MTA3: variants seen among roughly 807,000 people sequenced by gnomAD.
MTA3 encodes the protein metastasis-associated protein MTA3.
MTA3 carries 34 observed loss-of-function variants against 83.5 expected under a neutral mutation model. The ratio of observed to expected loss-of-function variants is 0.41; its 90% CI spans 0.31 to 0.54. The LOEUF is 0.54. MTA3 is among the 20% of genes least tolerant of loss of function. MTA3 has a pLI of 0.33. For synonymous variants in MTA3, 303 were observed against 252.7 expected (o/e 1.20, Z -1.89); for missense variants, 761 against 726.4 (o/e 1.05, Z -0.55).
At chr2:42,690,970 A>G (rs1454561460) in intron 9 of MTA3, among the ~76,000 whole-genome samples, 1 of 151,748 alleles carries the variant, frequency 6.6e-6, no homozygotes, top group African/African-American at 2.4e-5. Context: ...TCCACCTCCC[A>G]GGTTCAAGTG....
intron 6 of MTA3, 114 bp from the exon 7 acceptor site, chr2:42,656,085 TG>T: frequency 2.8e-6 from 2 of 714,176 alleles, no homozygotes; most frequent in South Asian, 1.9e-5. Flanking sequence ...GCCAAAACTG[TG>T]GGCACTTACC....
At chr2:42,605,844 ACCCCCC>A (rs1159525599) in intron 3 of MTA3, among the ~76,000 whole-genome samples, 1 of 119,054 alleles carries the variant, frequency 8.4e-6, no homozygotes, top group Non-Finnish European at 1.8e-5. Context: ...TGGAGGGCTG[ACCCCCC>A]CACCTCCCTC....
At chr2:42,663,827 C>CCGTCT (rs1689963486) in intron 8 of MTA3, among the ~76,000 whole-genome samples, 2 of 152,284 alleles carry the variant, frequency 1.3e-5, no homozygotes, top group Admixed American at 6.5e-5. Flanking sequence ...TACCTTCACA[C>CCGTCT]CCTTCAGTGT....
At chr2:42,749,557 T>A (rs923617078) in intron 16 of MTA3, among the ~76,000 whole-genome samples, 3 of 152,072 alleles carry the variant, frequency 2.0e-5, no homozygotes, top group Admixed American at 6.6e-5. Flanking sequence ...AACCTCCGCC[T>A]CCTGGGTTCA....
chr2:42,536,060 C>T (rs1178329068), intron 2 of MTA3, among the ~76,000 whole-genome samples: 1 of 151,294 alleles, frequency 6.6e-6, no homozygotes, highest in Non-Finnish European at 1.5e-5. Context: ...TTCGAGGCTG[C>T]AGTAAGCTAT....
Position 42,710,803 on chromosome 2 carries a change from T to A in MTA3, c.1525+1707T>A, listed in dbSNP as rs538209454. 2.6e-5 allele frequency among the ~76,000 whole-genome samples: 4 copies of A among 152,132 alleles called. No homozygotes were observed. In the East Asian group the frequency reaches 5.8e-4, roughly 22 times the overall value. Reference sequence around the variant, plus strand: ...TTTTAAATAAAATGGTGAAGACCAGTCACGGTGGCTTACGCCTGTAATCCT... The same window carrying A: ...TTTTAAATAAAATGGTGAAGACCAGACACGGTGGCTTACGCCTGTAATCCT... On this transcript the variant is annotated intron_variant, in intron 14 of 16. Transcript: ENST00000405094.
intron 8 of MTA3, among the ~76,000 whole-genome samples, chr2:42,681,601 C>T (rs901391374): frequency 6.6e-6 from 1 of 152,188 alleles, no homozygotes; most frequent in African/African-American, 2.4e-5. Context: ...CAGCCTCAAC[C>T]TCCTGGGCTC....
At chr2:42,524,480 T>TG (rs1553337476) in intron 2 of MTA3, among the ~76,000 whole-genome samples, 36 of 115,418 alleles carry the variant, frequency 3.1e-4, no homozygotes, top group South Asian at 2.2e-3. Flanking sequence ...GTGTTTTTTT[T>TG]TTTTTTTTTT....
chr2:42,681,648 G>A (rs1691925605), intron 8 of MTA3, among the ~76,000 whole-genome samples: 1 of 152,124 alleles, frequency 6.6e-6, no homozygotes, highest in Admixed American at 6.6e-5. Flanking sequence ...AAGTAGTTGG[G>A]ACTGTAGGCA....
chr2:42,639,062 T>C (rs1687457808), intron 4 of MTA3, among the ~76,000 whole-genome samples: 1 of 150,562 alleles, frequency 6.6e-6, no homozygotes, highest in Non-Finnish European at 1.5e-5. Context: ...TTTCTTTCTT[T>C]CTTTTTTTTT....
intron 14 of MTA3, among the ~76,000 whole-genome samples, chr2:42,713,308 A>G (rs1340118356): frequency 6.6e-6 from 1 of 151,790 alleles, no homozygotes; most frequent in East Asian, 1.9e-4. Flanking sequence ...CCACTTGATG[A>G]AAAATGTGTT....
chr2:42,494,906 G>C (rs1390787208), exon 1 of MTA3: 2 of 152,376 alleles, frequency 1.3e-5, no homozygotes, highest in Admixed American at 6.5e-5. Context: ...TCCGTGCCCA[G>C]AAAGCGGGTT....
chr2:42,756,547 T>G lies in MTA3; in HGVS notation c.*3148T>G, dbSNP rs1670248745. ...ATGCCCCACTGCTGTCCTAAGTCCC[T>G]GGCGAGGGGAGGTGGAGGAGCTGCC... On this transcript the variant is annotated 3_prime_UTR_variant, in exon 17 of 17. Coordinates refer to ENST00000405094, the MANE Select transcript of MTA3 (RefSeq NM_001330442.2). 12 of 985,460 alleles carry G rather than the reference T, an allele frequency of 1.2e-5. No individual in the cohort carries two copies. Among genetic ancestry groups the G allele is most frequent in the Non-Finnish European group, 1.4e-5 (12 of 830,190 alleles). 61.0% of individuals were successfully genotyped at this position (985,460 alleles called of 1,614,324 possible).
intron 3 of MTA3, 30 bp downstream of exon 3, chr2:42,579,230 G>A (rs964439141): frequency 4.7e-6 from 7 of 1,486,616 alleles, no homozygotes; most frequent in African/African-American, 1.4e-5. Context: ...TTAAAAAAAC[G>A]TTTTAAGTCT....
rs1369773386 is a variant in MTA3, at chr2:42,568,659, CGGCAGCGGCGGT to C, written c.-86_-75del. 3.2e-6 allele frequency: 3 copies of C among 939,896 alleles called. No homozygotes were observed. The highest frequency in any genetic ancestry group is 1.1e-4 in the East Asian group (2 of 18,408). 58.2% of individuals were successfully genotyped at this position (939,896 alleles called of 1,614,324 possible). ...GGCGAGGCAGCAGCGACGGCGGCGGCGGCAGCGGCGGTCGCGGCTGAGGCTGAGGAGGAGGCG... is the reference window on the plus strand; with the variant it reads ...GGCGAGGCAGCAGCGACGGCGGCGGCCGCGGCTGAGGCTGAGGAGGAGGCG... On this transcript the variant is annotated 5_prime_UTR_variant, in exon 1 of 17. Coordinates refer to ENST00000405094, the MANE Select transcript of MTA3 (RefSeq NM_001330442.2).
At chr2:42,624,748 T>C (rs2104215732) in intron 4 of MTA3, among the ~76,000 whole-genome samples, 1 of 152,364 alleles carries the variant, frequency 6.6e-6, no homozygotes, top group East Asian at 1.9e-4. Flanking sequence ...CATAATTTAA[T>C]AGTAGACACT....
chr2:42,615,679 A>G (rs1684780232), intron 4 of MTA3, among the ~76,000 whole-genome samples: 1 of 145,082 alleles, frequency 6.9e-6, no homozygotes, highest in African/African-American at 2.6e-5. Flanking sequence ...CTTTAAGGAA[A>G]TAAGTCACCA....
At chr2:42,672,580 G>A (rs1018036836) in intron 8 of MTA3, among the ~76,000 whole-genome samples, 6 of 141,444 alleles carry the variant, frequency 4.2e-5, no homozygotes, top group African/African-American at 7.7e-5. Context: ...GGGAGGTGGA[G>A]ATTGCGGTGA....
At chr2:42,695,617 A>G in intron 9 of MTA3, 148 bp from the exon 10 acceptor site, 1 of 536,424 alleles carries the variant, frequency 1.9e-6, no homozygotes, top group Non-Finnish European at 3.1e-6. Flanking sequence ...CCTGGGCAAC[A>G]AAGTGACAGT....
Sources: allele counts gnomAD v4.1 joint callset (sites outside exome capture counted in the v4.1 genomes callset), GRCh38; gene constraint gnomAD v4.1.1; transcripts MANE v1.5; gene names NCBI Gene and HGNC (gene_info 2026-07-23, HGNC 2026-07-21).